MMP7: variants seen among roughly 807,000 people sequenced by gnomAD.
MMP7 encodes the protein matrix metallopeptidase 7, also known as matrilysin.
In MMP7, 26 loss-of-function variants were observed where a neutral mutation model predicts 31.5. That is an observed-to-expected ratio of 0.83 (90% CI 0.61 to 1.15). MMP7 has a LOEUF of 1.15. Ranked by LOEUF, MMP7 falls within the 50% of genes most tolerant of loss-of-function variation. The pLI is 0.00. For missense variants in MMP7, 367 were observed against 326.5 expected, an observed-to-expected ratio of 1.12 and a Z score of -0.96; for synonymous variants, 142 against 124.2, an observed-to-expected ratio of 1.14 and a Z score of -0.95.
intron 5 of MMP7, among the ~76,000 whole-genome samples, chr11:102,523,004 C>T (rs183484392): frequency 1.3e-5 from 2 of 152,240 alleles, no homozygotes; most frequent in African/African-American, 4.8e-5. Context: ...ATATCATTTG[C>T]ATAATTTTAC....
In MMP7 at chr11:102,523,262, A is replaced by G; in HGVS notation, c.753T>C (p.Ile251=). 1 of 1,608,448 alleles carries G rather than the reference A, an allele frequency of 6.2e-7. No homozygotes were observed. The highest frequency in any genetic ancestry group is 8.5e-7 in the Non-Finnish European group (1 of 1,176,158). Residue 251 remains isoleucine, a synonymous_variant, in exon 5 of 6, where the codon ATT becomes ATC. Transcript: ENST00000260227. ...PQNFKLSQDD[I]KGIQKLYGKR... ...TACCATATAGTTTCTGAATGCCTTT[A>G]ATATCATCCTGGGAAAGTTTAAAAT...
chr11:102,523,141 G>A (rs1858631407), intron 5 of MMP7, 99 bp downstream of exon 5: 4 of 883,370 alleles, frequency 4.5e-6, no homozygotes, highest in Non-Finnish European at 6.7e-6. Context: ...GAGTTCCAGT[G>A]TGGTTTTCCA....
chr11:102,520,593 A>T lies in MMP7; in HGVS notation c.*183T>A. 1 of 519,038 alleles carries T rather than the reference A, an allele frequency of 1.9e-6. No individual in the cohort carries two copies. Among genetic ancestry groups the T allele is most frequent in the Non-Finnish European group, 3.4e-6 (1 of 290,902 alleles). The allele number at this position is 519,038 out of a possible 1,614,324, so 32.2% of individuals were successfully genotyped here. A position where few individuals can be genotyped will look rare whatever the true frequency, so the allele number is the denominator to read the frequency against. ...CCCACTGCAAGTATAGATGAATAAGACACAGTCACACCATAAAGGAGTTTA... is the reference window on the plus strand; with the variant it reads ...CCCACTGCAAGTATAGATGAATAAGTCACAGTCACACCATAAAGGAGTTTA... On this transcript the variant is annotated 3_prime_UTR_variant, in exon 6 of 6. Transcript: ENST00000260227.
In MMP7 at chr11:102,527,825, C is replaced by CA; in HGVS notation, c.266dup (p.Pro90AlafsTer12). 6.2e-7 allele frequency: 1 copy of CA among 1,614,170 alleles called. No homozygotes were observed. Among genetic ancestry groups the CA allele is most frequent in the Non-Finnish European group, 8.5e-7 (1 of 1,180,018 alleles). On this transcript the variant is annotated frameshift_variant, in exon 2 of 6. Transcript: ENST00000260227. LOFTEE classifies it high-confidence loss of function. ...ATAGTGAGTATTCTGCAACATCTGG[C>CA]ACTCCACATCTGGGCTTCTGCATTA...
Position 102,520,757 on chromosome 11 carries a change from G to T in MMP7, c.*19C>A. On this transcript the variant is annotated 3_prime_UTR_variant, in exon 6 of 6. Coordinates refer to ENST00000260227, the MANE Select transcript of MMP7 (RefSeq NM_002423.5). ...ATACAATCCAATGAATGAATGAATGGATGTTCTGCCTGAAGTTTCTATTTC... is the reference window on the plus strand; with the variant it reads ...ATACAATCCAATGAATGAATGAATGTATGTTCTGCCTGAAGTTTCTATTTC... 1 of 1,552,872 alleles carries T rather than the reference G, an allele frequency of 6.4e-7. No individual in the cohort carries two copies. Among genetic ancestry groups the T allele is most frequent in the Non-Finnish European group, 8.8e-7 (1 of 1,136,574 alleles).
chr11:102,529,267 T>C (rs1311827946), intron 1 of MMP7, among the ~76,000 whole-genome samples: 5 of 152,218 alleles, frequency 3.3e-5, no homozygotes, highest in East Asian at 1.9e-4. Flanking sequence ...CAAATACTTA[T>C]TGTTCATCCA....
In MMP7 at chr11:102,520,899, T is replaced by C. The variant is rs186537739; in HGVS notation, c.776-95A>G. On this transcript the variant is annotated intron_variant, in intron 5 of 5. Coordinates refer to ENST00000260227, the MANE Select transcript of MMP7 (RefSeq NM_002423.5). ...GGCAAAGGAAATGTCACAGAAAGTATAATCTATTATTCACTCAGACCATTT... is the reference window on the plus strand; with the variant it reads ...GGCAAAGGAAATGTCACAGAAAGTACAATCTATTATTCACTCAGACCATTT... 2,735 of 805,652 alleles carry C rather than the reference T, an allele frequency of 3.4e-3. 4 individuals carry two copies. Among genetic ancestry groups the C allele is most frequent in the Non-Finnish European group, 4.8e-3 (2,466 of 514,794 alleles). 49.9% of individuals were successfully genotyped at this position (805,652 alleles called of 1,614,324 possible). A position where few individuals can be genotyped will look rare whatever the true frequency, so the allele number is the denominator to read the frequency against.
At chr11:102,527,239 G>T in intron 3 of MMP7, 1 of 409,708 alleles carries the variant, frequency 2.4e-6, no homozygotes, top group Non-Finnish European at 4.5e-6. Context: ...AGGTAATAGG[G>T]AAATGAAGGA....
intron 1 of MMP7, among the ~76,000 whole-genome samples, chr11:102,528,655 T>G (rs943922377): frequency 2.6e-5 from 4 of 152,168 alleles, no homozygotes; most frequent in Non-Finnish European, 5.9e-5. Context: ...CTGTTAAATC[T>G]CTAGTCAAAC....
intron 3 of MMP7, 157 bp downstream of exon 3, chr11:102,527,367 T>C (rs1858683037): frequency 2.1e-6 from 2 of 967,190 alleles, no homozygotes; most frequent in Non-Finnish European, 3.0e-6. Context: ...TACCAGATTA[T>C]AAAAATTATA....
intron 3 of MMP7, among the ~76,000 whole-genome samples, 200 bp from the exon 4 acceptor site, chr11:102,525,264 C>T (rs185129139): frequency 1.8e-3 from 267 of 151,988 alleles, no homozygotes; most frequent in African/African-American, 6.0e-3. Flanking sequence ...ATGGTGAAAC[C>T]CCGTCTCTAC....
At position 102,527,650 on chromosome 11, in the gene MMP7, A is replaced by G; in HGVS notation, c.358T>C (p.Leu120=). ...AATCGATCCACTGTAATATGCGGTAAGTCTCGAGTATATGATACGATCCTA... is the reference window on the plus strand; with the variant it reads ...AATCGATCCACTGTAATATGCGGTAGGTCTCGAGTATATGATACGATCCTA... ...TYRIVSYTRD[L]PHITVDRLVS... The change falls in exon 3 of 6, where the codon TTA becomes CTA. Residue 120 remains leucine, a synonymous_variant. Transcript: ENST00000260227. 1 of 1,614,150 alleles carries G rather than the reference A, an allele frequency of 6.2e-7. No individual in the cohort carries two copies. Among genetic ancestry groups the G allele is most frequent in the Non-Finnish European group, 8.5e-7 (1 of 1,180,004 alleles).
intron 1 of MMP7, among the ~76,000 whole-genome samples, chr11:102,530,154 T>C (rs947998769): frequency 2.0e-5 from 3 of 152,226 alleles, no homozygotes; most frequent in African/African-American, 7.2e-5. Flanking sequence ...ACAGTATATT[T>C]ACAGGTTGTA....
At chr11:102,527,440 T>C (rs1696173674) in intron 3 of MMP7, 84 bp downstream of exon 3, 1 of 1,506,786 alleles carries the variant, frequency 6.6e-7, no homozygotes, top group African/African-American at 1.4e-5. Context: ...TAAAGGATTT[T>C]AATCTTCATA....
rs1404186527 is a variant in MMP7 at position 102,523,253 on chromosome 11, A to T, written c.762T>A (p.Ile254=). 2.5e-6 allele frequency: 4 copies of T among 1,603,312 alleles called. No homozygotes were observed. The African/African-American group carries it at 5.4e-5, about 22-fold the overall frequency. ...FKLSQDDIKG[I]QKLYGKRSNS... ...AATAAATATTACCATATAGTTTCTGAATGCCTTTAATATCATCCTGGGAAA... is the reference window on the plus strand; with the variant it reads ...AATAAATATTACCATATAGTTTCTGTATGCCTTTAATATCATCCTGGGAAA... The change falls in exon 5 of 6, where the codon ATT becomes ATA. Residue 254 remains isoleucine, a synonymous_variant. Coordinates refer to ENST00000260227, the MANE Select transcript of MMP7 (RefSeq NM_002423.5).
At position 102,530,696 on chromosome 11, in the gene MMP7, C is replaced by T. The variant is rs369414554; in HGVS notation, c.5G>A (p.Arg2Gln). The T allele has an allele frequency of 5.6e-6, 9 of 1,613,024 alleles. No individual in the cohort carries two copies. The highest frequency in any genetic ancestry group is 1.7e-5 in the Admixed American group (1 of 59,982). Residue 2 changes from arginine to glutamine, a missense_variant, in exon 1 of 6, where the codon CGA (arginine) becomes CAA (glutamine). Physicochemically the swap from Arg to Gln is conservative, Grantham distance 43 (BLOSUM62 1). Coordinates refer to ENST00000260227, the MANE Select transcript of MMP7 (RefSeq NM_002423.5). M[R>Q]LTVLCAVCLL... is the part of the protein sequence containing the mutation. ...GCACACAGCACACAGCACGGTGAGT[C>T]GCATAGCTGCCGTCCAGAGACAATT...
At chr11:102,530,360 AGT>A (rs1858721533) in intron 1 of MMP7, among the ~76,000 whole-genome samples, 1 of 152,210 alleles carries the variant, frequency 6.6e-6, no homozygotes, top group Non-Finnish European at 1.5e-5. Context: ...GACCTTCCTG[AGT>A]CTATCTACAT....
chr11:102,530,498 G>T, intron 1 of MMP7, 95 bp downstream of exon 1: 3 of 978,100 alleles, frequency 3.1e-6, no homozygotes, highest in Non-Finnish European at 4.8e-6. Flanking sequence ...AAATTCCACT[G>T]CAATGCTAAC....
intron 3 of MMP7, among the ~76,000 whole-genome samples, chr11:102,526,641 C>T (rs1292616991): frequency 6.6e-6 from 1 of 152,128 alleles, no homozygotes; most frequent in Admixed American, 6.5e-5. Context: ...TCAGGGGACT[C>T]TTGAGGCCTT....
Sources: gnomAD v4.1 joint callset for allele counts (sites outside exome capture counted in the v4.1 genomes callset) on GRCh38, gnomAD v4.1.1 for gene constraint, MANE v1.5 for transcripts, NCBI Gene and HGNC (gene_info 2026-07-23, HGNC 2026-07-21) for gene names.